Variants in DAB2 observed in about 807,000 individuals in gnomAD.
The protein encoded by DAB2 is disabled homolog 2.
A neutral mutation model predicts 71.6 loss-of-function variants in DAB2; 28 were observed. The ratio of observed to expected loss-of-function variants is 0.39; its 90% confidence interval spans 0.29 to 0.54. The LOEUF is 0.54. Among genes scored for constraint, DAB2 ranks in the 20% least tolerant of loss-of-function variants. DAB2 has a pLI of 0.68. For synonymous variants in DAB2, 345 were observed against 339.7 expected, an observed-to-expected ratio of 1.02 and a Z score of -0.17; for missense variants, 867 against 928.8, an observed-to-expected ratio of 0.93 and a Z score of 0.86.
Position 39,392,258 on chromosome 5 carries a change from G to A in DAB2, c.330+107C>T, listed in dbSNP as rs79246494. 1.3e-3 allele frequency: 988 copies of A among 781,612 alleles called. 11 individuals are homozygous for A. The East Asian group carries it at 0.023, about 18-fold the overall frequency. 48.4% of individuals were successfully genotyped at this position (781,612 alleles called of 1,614,324 possible). ...TGGAGATGTAATATATGATATATTT[G>A]TTCCCCACAGAACTTTGAGAACGAA... On this transcript the variant is annotated intron_variant, in intron 4 of 14. Transcript: ENST00000320816.
chr5:39,397,331 G>A (rs1387680033), intron 1 of DAB2, among the ~76,000 whole-genome samples: 1 of 152,152 alleles, frequency 6.6e-6, no homozygotes, highest in East Asian at 1.9e-4. Flanking sequence ...CCTTCTCAGA[G>A]GCCTCAGTAT....
chr5:39,377,324 TGAA>T, intron 11 of DAB2, 42 bp from the exon 12 acceptor site: 3 of 1,564,116 alleles, frequency 1.9e-6, no homozygotes, highest in Non-Finnish European at 2.6e-6. Flanking sequence ...GAGTCAAGCT[TGAA>T]GAAGATTCTT....
intron 9 of DAB2, among the ~76,000 whole-genome samples, chr5:39,386,098 T>A (rs1284989773): frequency 6.6e-6 from 1 of 152,232 alleles, no homozygotes; most frequent in Non-Finnish European, 1.5e-5. Context: ...ATTCTTTCCA[T>A]AGTAACTGTG....
intron 14 of DAB2, among the ~76,000 whole-genome samples, chr5:39,374,330 A>C (rs1275001604): frequency 2.1e-5 from 3 of 141,918 alleles, no homozygotes; most frequent in African/African-American, 7.6e-5. Flanking sequence ...GATCAGAATA[A>C]AGTTGCTGTC....
At chr5:39,382,205 C>T (rs961535906) in intron 10 of DAB2, among the ~76,000 whole-genome samples, 2 of 151,964 alleles carry the variant, frequency 1.3e-5, no homozygotes, top group African/African-American at 4.8e-5. Context: ...AATTTTATAC[C>T]ACCACCATGG....
In DAB2 at chr5:39,381,630, G is replaced by A. The variant is rs530440479; in HGVS notation, c.1342-14C>T. 5.6e-6 allele frequency: 9 copies of A among 1,612,366 alleles called. No homozygotes were observed. In the East Asian group the frequency reaches 8.9e-5, roughly 16 times the overall value. On this transcript the variant is annotated splice_polypyrimidine_tract_variant and intron_variant, in intron 10 of 14. Coordinates refer to ENST00000320816, the MANE Select transcript of DAB2 (RefSeq NM_001343.4). ...ATTGGCTGAAGACTGACAGGACAGGGAGGGAGGGAGAAGCCTTAGTTACTC... is the reference window on the plus strand; with the variant it reads ...ATTGGCTGAAGACTGACAGGACAGGAAGGGAGGGAGAAGCCTTAGTTACTC...
At chr5:39,418,735 T>A (rs142188794) in intron 1 of DAB2, among the ~76,000 whole-genome samples, 186 of 152,356 alleles carry the variant, frequency 1.2e-3, no homozygotes, top group African/African-American at 4.3e-3. Flanking sequence ...TCAGCCTGAA[T>A]GTGTGCATCT....
intron 1 of DAB2, among the ~76,000 whole-genome samples, chr5:39,405,728 G>A (rs1024387795): frequency 6.6e-6 from 1 of 152,220 alleles, no homozygotes; most frequent in East Asian, 1.9e-4. Flanking sequence ...TATATGGTAT[G>A]TCTTTCCTTA....
At chr5:39,388,282 C>T (rs1755143769) in intron 9 of DAB2, 23 bp downstream of exon 9, 1 of 1,571,796 alleles carries the variant, frequency 6.4e-7, no homozygotes, top group South Asian at 1.1e-5. Context: ...TATTACATTG[C>T]AAATTTAAAA....
At chr5:39,400,052 T>G (rs902023740) in intron 1 of DAB2, among the ~76,000 whole-genome samples, 1 of 152,134 alleles carries the variant, frequency 6.6e-6, no homozygotes, top group South Asian at 2.1e-4. Flanking sequence ...GCAGGAAAAG[T>G]GCTTTGCCAG....
chr5:39,381,740 A>G (rs1754985460), intron 10 of DAB2, 124 bp from the exon 11 acceptor site: 13 of 957,680 alleles, frequency 1.4e-5, no homozygotes, highest in Non-Finnish European at 1.9e-5. Flanking sequence ...TTTTCTTGAC[A>G]GATGAACAAC....
intron 1 of DAB2, chr5:39,417,297 A>T (rs1755870267): frequency 8.0e-6 from 1 of 124,934 alleles, no homozygotes; most frequent in African/African-American, 2.8e-5. Context: ...AAAGTATAAA[A>T]ATAAAAAAAA....
At chr5:39,396,263 T>C (rs913205176) in intron 1 of DAB2, among the ~76,000 whole-genome samples, 1 of 152,292 alleles carries the variant, frequency 6.6e-6, no homozygotes, top group African/African-American at 2.4e-5. Flanking sequence ...GAACCAGGTT[T>C]GTAACCCAGA....
intron 9 of DAB2, among the ~76,000 whole-genome samples, chr5:39,385,874 C>A (rs1171157335): frequency 6.6e-6 from 1 of 152,198 alleles, no homozygotes; most frequent in African/African-American, 2.4e-5. Context: ...TCTAGCCCAA[C>A]TATGATCTAT....
chr5:39,378,775 C>T (rs1474974007), intron 11 of DAB2, among the ~76,000 whole-genome samples: 1 of 152,218 alleles, frequency 6.6e-6, no homozygotes, highest in Non-Finnish European at 1.5e-5. Flanking sequence ...AAATCCGGCA[C>T]CCCATTCTCC....
At chr5:39,421,288 CACTT>C (rs1394073205) in intron 1 of DAB2, among the ~76,000 whole-genome samples, 2 of 152,170 alleles carry the variant, frequency 1.3e-5, no homozygotes, top group African/African-American at 4.8e-5. Flanking sequence ...TTCACAAAGA[CACTT>C]AATTCAGTTG....
At chr5:39,424,120 T>G (rs890908221) in intron 1 of DAB2, among the ~76,000 whole-genome samples, 1 of 152,156 alleles carries the variant, frequency 6.6e-6, no homozygotes, top group Non-Finnish European at 1.5e-5. Flanking sequence ...TGACTGAGGC[T>G]CCACGGTTTT....
chr5:39,376,561 G>A lies in DAB2; in HGVS notation c.2137+89C>T, dbSNP rs1754835917. On this transcript the variant is annotated intron_variant, in intron 12 of 14. Transcript: ENST00000320816. ...AGCAAGAGCAAAGCTGTTGGCGGGT[G>A]GGAGAGGGTTCATTTGGGGAACTCA... is the stretch of plus-strand genomic sequence containing the variant. The A allele has an allele frequency of 5.5e-6, 8 of 1,455,032 alleles. No individual in the cohort carries two copies. In the Admixed American group the frequency reaches 9.0e-5, roughly 16 times the overall value. 90.1% of individuals were successfully genotyped at this position (1,455,032 alleles called of 1,614,324 possible).
chr5:39,393,479 A>G, intron 2 of DAB2, 86 bp from the exon 3 acceptor site: 1 of 1,331,720 alleles, frequency 7.5e-7, no homozygotes, highest in Non-Finnish European at 1.1e-6. Context: ...TTTAAGTAAT[A>G]TAAATCCTGA....
Sources: gnomAD v4.1 joint callset for allele counts (sites outside exome capture counted in the v4.1 genomes callset) on GRCh38, gnomAD v4.1.1 for gene constraint, MANE v1.5 for transcripts, NCBI Gene and HGNC (gene_info 2026-07-23, HGNC 2026-07-21) for gene names.